Variants in STYXL1 observed in about 807,000 individuals in gnomAD.
The protein encoded by STYXL1 is serine/threonine/tyrosine interacting like 1.
In STYXL1, 32 loss-of-function variants were observed where a neutral mutation model predicts 36.4. The ratio of observed to expected loss-of-function variants is 0.88; its 90% confidence interval spans 0.66 to 1.18. The LOEUF is 1.18. STYXL1 is among the 50% of genes most tolerant of loss of function. STYXL1 has a pLI of 0.00. For synonymous variants in STYXL1, 133 were observed against 144.1 expected (o/e 0.92, Z 0.55); for missense variants, 354 against 394.1 (o/e 0.90, Z 0.86).
chr7:76,010,247 CTGAT>C (rs10531591), intron 5 of STYXL1, among the ~76,000 whole-genome samples: 30,819 of 151,822 alleles, frequency 0.2, 3,361 homozygotes, highest in East Asian at 0.28. Flanking sequence ...TTATACTAGA[CTGAT>C]TGTCTTTACT....
intron 4 of STYXL1, among the ~76,000 whole-genome samples, chr7:76,017,619 C>T (rs1554574411): frequency 6.6e-6 from 1 of 151,770 alleles, no homozygotes; most frequent in Admixed American, 6.6e-5. Flanking sequence ...GGCGCGATGG[C>T]TCACACCTGT....
chr7:76,040,151 C>T (rs1245806654), intron 1 of STYXL1, among the ~76,000 whole-genome samples: 5 of 152,238 alleles, frequency 3.3e-5, no homozygotes, highest in African/African-American at 9.6e-5. Flanking sequence ...TGTCAGGAGG[C>T]GGTGGTGGGG....
Position 76,003,745 on chromosome 7 carries a change from GA to G in STYXL1, c.697+12del. 1 of 1,613,618 alleles carries G rather than the reference GA, an allele frequency of 6.2e-7. No homozygotes were observed. Among genetic ancestry groups the G allele is most frequent in the Non-Finnish European group, 8.5e-7 (1 of 1,179,570 alleles). On this transcript the variant is annotated intron_variant, in intron 7 of 8. Coordinates refer to ENST00000359697, the MANE Select transcript of STYXL1 (RefSeq NM_001317785.2). ...ACAGGCCAGTTGCTACCCGGCCAAG[GA>G]ACGCTCCTTACCAATGAAGTGACAC... is the stretch of plus-strand genomic sequence containing the variant.
chr7:76,014,421 G>A (rs1372204373), intron 4 of STYXL1, among the ~76,000 whole-genome samples: 7 of 151,446 alleles, frequency 4.6e-5, no homozygotes, highest in Non-Finnish European at 8.8e-5. Flanking sequence ...GTACAATCTC[G>A]GCTCACTGCA....
intron 4 of STYXL1, among the ~76,000 whole-genome samples, chr7:76,020,749 G>A (rs1554575787): frequency 6.6e-6 from 1 of 152,104 alleles, no homozygotes; most frequent in Admixed American, 6.5e-5. Flanking sequence ...GGGCTCAAGT[G>A]ATCCTCCTGC....
intron 1 of STYXL1, among the ~76,000 whole-genome samples, chr7:76,035,315 C>T (rs1164806086): frequency 6.6e-6 from 1 of 150,666 alleles, no homozygotes; most frequent in Non-Finnish European, 1.5e-5. Flanking sequence ...TCTTTAAAAT[C>T]TGAGTAGGGC....
chr7:76,000,218 C>CAAA lies in STYXL1; in HGVS notation c.810+669_810+671dup, dbSNP rs35153306. 4.3e-3 allele frequency among the ~76,000 whole-genome samples: 298 copies of CAAA among 69,338 alleles called. 2 individuals are homozygous for CAAA. The highest frequency in any genetic ancestry group is 0.012 in the African/African-American group (225 of 18,128). 45.5% of individuals were successfully genotyped at this position (69,338 alleles called of 152,430 possible). On this transcript the variant is annotated intron_variant, in intron 8 of 8. Coordinates refer to ENST00000359697, the MANE Select transcript of STYXL1 (RefSeq NM_001317785.2). Reference sequence around the variant, plus strand: ...TGGGCAACAGAACAAGACTCCATCTCAAAAAAAAAAAAAAAAAAAAAAAAA... The same window carrying CAAA: ...TGGGCAACAGAACAAGACTCCATCTCAAAAAAAAAAAAAAAAAAAAAAAAAAAA...
intron 3 of STYXL1, among the ~76,000 whole-genome samples, chr7:76,025,877 GTTA>G (rs1794642474): frequency 6.6e-6 from 1 of 151,936 alleles, no homozygotes; most frequent in Non-Finnish European, 1.5e-5. Context: ...TCCCTGCTGA[GTTA>G]TTGAGTTATG....
intron 4 of STYXL1, among the ~76,000 whole-genome samples, chr7:76,019,978 A>T (rs1424627438): frequency 6.6e-6 from 1 of 151,350 alleles, no homozygotes; most frequent in African/African-American, 2.4e-5. Context: ...AAGCCTTGAG[A>T]TGGTCTTGTA....
intron 1 of STYXL1, chr7:76,044,163 T>C (rs1176914223): frequency 6.6e-6 from 1 of 152,160 alleles, no homozygotes; most frequent in African/African-American, 2.4e-5. Context: ...AGGCTTTTTA[T>C]GTTTTTTTCC....
intron 7 of STYXL1, among the ~76,000 whole-genome samples, chr7:76,002,869 A>G (rs1020284875): frequency 6.6e-6 from 1 of 151,984 alleles, no homozygotes; most frequent in Non-Finnish European, 1.5e-5. Flanking sequence ...GATTGCAGTG[A>G]GCCAAGATTG....
chr7:76,031,159 T>TCC (rs1795285269), intron 1 of STYXL1, among the ~76,000 whole-genome samples: 3 of 147,798 alleles, frequency 2.0e-5, no homozygotes, highest in African/African-American at 2.5e-5. Flanking sequence ...AGACTCTGTC[T>TCC]AAAATAATAA....
chr7:76,027,835 G>A (rs1361981713), intron 3 of STYXL1, among the ~76,000 whole-genome samples: 4 of 151,902 alleles, frequency 2.6e-5, no homozygotes, highest in East Asian at 1.9e-4. Context: ...AGGCTTAGGC[G>A]GCTCACATGT....
chr7:76,001,151 G>A (rs1790873668), intron 7 of STYXL1, 149 bp from the exon 8 acceptor site: 1 of 649,706 alleles, frequency 1.5e-6, no homozygotes, highest in Non-Finnish European at 2.8e-6. Context: ...TGATTTCTCT[G>A]GGAGCCCATT....
chr7:76,047,549 T>C (rs1797295333), intron 1 of STYXL1, 113 bp downstream of exon 1: 1 of 154,826 alleles, frequency 6.5e-6, no homozygotes, highest in South Asian at 1.8e-4. Context: ...AGCAGTGGTG[T>C]CACTAAACCT....
intron 1 of STYXL1, among the ~76,000 whole-genome samples, chr7:76,040,697 G>T (rs959261108): frequency 1.3e-5 from 2 of 152,024 alleles, no homozygotes; most frequent in African/African-American, 2.4e-5. Flanking sequence ...TTAGCCAGGC[G>T]TGGTGGCGCA....
chr7:76,013,901 C>A lies in STYXL1; in HGVS notation c.308-14G>T. The A allele has an allele frequency of 6.2e-7, 1 of 1,601,102 alleles. No individual in the cohort carries two copies. Among genetic ancestry groups the A allele is most frequent in the Non-Finnish European group, 8.5e-7 (1 of 1,172,664 alleles). ...GAGGCACAAGATCTGAGAGTGGAGA[C>A]CAAAGACATGAATGTCTCCTGTGTA... is the stretch of plus-strand genomic sequence containing the variant. On this transcript the variant is annotated splice_polypyrimidine_tract_variant and intron_variant, in intron 4 of 8. Coordinates refer to ENST00000359697, the MANE Select transcript of STYXL1 (RefSeq NM_001317785.2).
intron 3 of STYXL1, 118 bp from the exon 4 acceptor site, chr7:76,022,110 T>C (rs1428380553): frequency 6.7e-7 from 1 of 1,493,778 alleles, no homozygotes; most frequent in African/African-American, 1.4e-5. Flanking sequence ...CTCCCCTGAC[T>C]ATACACACAG....
chr7:76,028,306 C>G (rs1374229301), intron 3 of STYXL1, among the ~76,000 whole-genome samples: 3 of 152,110 alleles, frequency 2.0e-5, no homozygotes, highest in African/African-American at 7.2e-5. Flanking sequence ...AGTGCTGGGA[C>G]TGCAGGCATG....
Sources: gnomAD v4.1 joint callset for allele counts (sites outside exome capture counted in the v4.1 genomes callset) on GRCh38, gnomAD v4.1.1 for gene constraint, MANE v1.5 for transcripts, NCBI Gene and HGNC (gene_info 2026-07-23, HGNC 2026-07-21) for gene names.